ZRANB3: variants seen among roughly 807,000 people sequenced by gnomAD.
The protein encoded by ZRANB3 is zinc finger RANBP2-type containing 3.
Under a neutral mutation model 133.8 loss-of-function variants are expected in ZRANB3, and 125 were observed. The ratio of observed to expected loss-of-function variants is 0.93; its 90% confidence interval spans 0.81 to 1.08. The LOEUF is 1.08. Ranked by LOEUF, ZRANB3 falls within the 50% of genes least tolerant of loss-of-function variation. ZRANB3 has a pLI of 0.00. For synonymous variants in ZRANB3, 387 were observed against 432.7 expected (o/e 0.89, Z 1.31); for missense variants, 1,229 against 1,275.5 (o/e 0.96, Z 0.56).
chr2:135,310,116 T>C (rs1682903767), intron 8 of ZRANB3, among the ~76,000 whole-genome samples: 1 of 152,126 alleles, frequency 6.6e-6, no homozygotes, highest in Non-Finnish European at 1.5e-5. Context: ...TTTGTATTTT[T>C]AGTAGAGATG....
chr2:135,312,128 ATT>A (rs1558907943), intron 8 of ZRANB3, among the ~76,000 whole-genome samples: 3,460 of 120,122 alleles, frequency 0.029, 200 homozygotes, highest in African/African-American at 0.11. Flanking sequence ...TTTTTATTTT[ATT>A]TTATTATTTT....
chr2:135,225,437 T>A (rs1282598604), intron 14 of ZRANB3, among the ~76,000 whole-genome samples: 1 of 152,244 alleles, frequency 6.6e-6, no homozygotes, highest in Admixed American at 6.5e-5. Flanking sequence ...ATTTATGAAT[T>A]ATTCCCTTAT....
chr2:135,296,991 G>C (rs574724570), intron 8 of ZRANB3, among the ~76,000 whole-genome samples: 1 of 152,270 alleles, frequency 6.6e-6, no homozygotes, highest in South Asian at 2.1e-4. Flanking sequence ...GCCCCTACTG[G>C]GGGCTGCCTC....
At chr2:135,211,010 C>A (rs1558831461) in intron 17 of ZRANB3, among the ~76,000 whole-genome samples, 4 of 151,648 alleles carry the variant, frequency 2.6e-5, no homozygotes. Flanking sequence ...GCCTGGGTGA[C>A]AGAGAGAGAC....
intron 2 of ZRANB3, among the ~76,000 whole-genome samples, chr2:135,466,382 CAAAAAAAAAAAA>C (rs553890734): frequency 8.1e-4 from 23 of 28,246 alleles, no homozygotes; most frequent in East Asian, 3.8e-3. Context: ...GACTCCGTCA[CAAAAAAAAAAAA>C]AAAAAAAAAA....
At chr2:135,406,115 C>T (rs1164394683) in intron 2 of ZRANB3, among the ~76,000 whole-genome samples, 4 of 151,848 alleles carry the variant, frequency 2.6e-5, no homozygotes, top group Non-Finnish European at 4.4e-5. Flanking sequence ...ATCAAATAGA[C>T]GCAATAAAAA....
At chr2:135,270,905 T>TC (rs1387610905) in intron 10 of ZRANB3, among the ~76,000 whole-genome samples, 1 of 152,224 alleles carries the variant, frequency 6.6e-6, no homozygotes, top group Non-Finnish European at 1.5e-5. Context: ...GTCCAGAAGA[T>TC]CCCCTCTTAC....
intron 8 of ZRANB3, among the ~76,000 whole-genome samples, chr2:135,281,997 T>C (rs538950872): frequency 1.3e-5 from 2 of 152,218 alleles, no homozygotes; most frequent in African/African-American, 2.4e-5. Flanking sequence ...CTTAGTGTAA[T>C]GGTTTCCAAT....
chr2:135,435,009 G>A (rs1195183932), intron 2 of ZRANB3, among the ~76,000 whole-genome samples: 1 of 150,732 alleles, frequency 6.6e-6, no homozygotes, highest in African/African-American at 2.4e-5. Context: ...TGTACTTTAG[G>A]TTTGGGGGTA....
At chr2:135,472,830 C>T (rs1036939040) in intron 2 of ZRANB3, among the ~76,000 whole-genome samples, 2 of 152,062 alleles carry the variant, frequency 1.3e-5, no homozygotes, top group Non-Finnish European at 2.9e-5. Context: ...TATAAATGAA[C>T]CACTTTAAGC....
At chr2:135,292,476 T>C (rs1277433518) in intron 8 of ZRANB3, among the ~76,000 whole-genome samples, 1 of 152,222 alleles carries the variant, frequency 6.6e-6, no homozygotes, top group Non-Finnish European at 1.5e-5. Context: ...TTTGAGTGCA[T>C]TGTAGATGCT....
At chr2:135,341,719 T>G (rs1217557818) in intron 6 of ZRANB3, among the ~76,000 whole-genome samples, 1 of 149,876 alleles carries the variant, frequency 6.7e-6, no homozygotes, top group Non-Finnish European at 1.5e-5. Flanking sequence ...GGGAAAATAA[T>G]GCATTCCCAG....
chr2:135,514,002 T>C lies in ZRANB3; in HGVS notation c.-7-9506A>G, dbSNP rs1309591222. On this transcript the variant is annotated intron_variant, in intron 1 of 20. Transcript: ENST00000264159. ...TCTGATCCATTGGTTTATATATCTC[T>C]TTTGGTAACAGTACCATGCTGCTTT... 9.8e-5 allele frequency among the ~76,000 whole-genome samples: 15 copies of C among 152,346 alleles called. No individual in the cohort carries two copies. In the East Asian group the frequency reaches 2.3e-3, roughly 24 times the overall value.
rs758344062 is a variant in ZRANB3, at chr2:135,268,984, A to G, written c.1364T>C (p.Met455Thr). Reference sequence around the variant, plus strand: ...TACCTTGCGATTCAACATTCCCCACATAAGGGTGTCTAGGGTTCCATTTGC... The same window carrying G: ...TACCTTGCGATTCAACATTCCCCACGTAAGGGTGTCTAGGGTTCCATTTGC... ...LIANGTLDTL[M>T]WGMLNRKAQV... Residue 455 changes from methionine (M) to threonine (T), a missense_variant, in exon 11 of 21, where the codon ATG becomes ACG. Coordinates refer to ENST00000264159, the MANE Select transcript of ZRANB3 (RefSeq NM_032143.4). The G allele has an allele frequency of 1.2e-6, 2 of 1,607,278 alleles. No individual in the cohort carries two copies. Among genetic ancestry groups the G allele is most frequent in the Non-Finnish European group, 1.7e-6 (2 of 1,177,828 alleles).
intron 2 of ZRANB3, among the ~76,000 whole-genome samples, chr2:135,486,189 C>T (rs1692112564): frequency 6.6e-6 from 1 of 152,148 alleles, no homozygotes; most frequent in South Asian, 2.1e-4. Flanking sequence ...TTTCTTGAAG[C>T]ATACACTGCT....
intron 8 of ZRANB3, among the ~76,000 whole-genome samples, chr2:135,302,488 C>T (rs915421965): frequency 6.6e-6 from 1 of 151,632 alleles, no homozygotes; most frequent in South Asian, 2.1e-4. Context: ...ATGCCAGATT[C>T]CTATTTATTG....
chr2:135,414,493 A>G (rs1688461044), intron 2 of ZRANB3, among the ~76,000 whole-genome samples: 1 of 152,140 alleles, frequency 6.6e-6, no homozygotes, highest in Non-Finnish European at 1.5e-5. Context: ...AGACTCCCAC[A>G]TAATAATAAT....
intron 2 of ZRANB3, among the ~76,000 whole-genome samples, chr2:135,440,837 G>A (rs1157182740): frequency 6.6e-6 from 1 of 152,132 alleles, no homozygotes; most frequent in Non-Finnish European, 1.5e-5. Flanking sequence ...TAATTTGTAT[G>A]CAGCAAACGG....
chr2:135,529,566 G>T lies in ZRANB3; in HGVS notation c.-8+1561C>A, dbSNP rs575951378. Among the ~76,000 whole-genome samples, 22 of 152,140 alleles carry T rather than the reference G, an allele frequency of 1.4e-4. 1 individual carries two copies. In the South Asian group the frequency reaches 2.7e-3, roughly 19 times the overall value. ...ACCCGAGGCTGGAGTGCAGTGGCGCGATCTCGGGTCACTGTAACCACTTCC... is the reference window on the plus strand; with the variant it reads ...ACCCGAGGCTGGAGTGCAGTGGCGCTATCTCGGGTCACTGTAACCACTTCC... On this transcript the variant is annotated intron_variant, in intron 1 of 20. Transcript: ENST00000264159.
Sources: allele counts gnomAD v4.1 joint callset (sites outside exome capture counted in the v4.1 genomes callset), GRCh38; gene constraint gnomAD v4.1.1; transcripts MANE v1.5; gene names NCBI Gene and HGNC (gene_info 2026-07-23, HGNC 2026-07-21).